Variants in KLHDC8A observed in about 807,000 individuals in gnomAD.
The protein encoded by KLHDC8A is kelch domain-containing protein 8A.
KLHDC8A carries 21 observed loss-of-function variants against 33.1 expected under a neutral mutation model. The observed-to-expected ratio is 0.64, with a 90% CI of 0.45 to 0.91. The LOEUF (loss-of-function observed/expected upper bound fraction) is 0.91, where lower values mean the gene tolerates loss of function less well. Among genes scored for constraint, KLHDC8A ranks in the 40% least tolerant of loss-of-function variants. The probability of loss-of-function intolerance (pLI) is 0.00; values close to 1 mark genes in which losing one functional copy is unlikely to be tolerated. For synonymous variants in KLHDC8A, 173 were observed against 193.5 expected, an observed-to-expected ratio of 0.89 and a Z score of 0.88; for missense variants, 435 against 483.3, an observed-to-expected ratio of 0.90 and a Z score of 0.94.
At chr1:205,338,445 A>C (rs770030960) in intron 5 of KLHDC8A, 50 bp downstream of exon 5, 2 of 1,424,066 alleles carry the variant, frequency 1.4e-6, no homozygotes, top group Non-Finnish European at 2.0e-6. Context: ...CCAAGGATCC[A>C]CTGAGCACCA....
At chr1:205,350,011 C>G (rs773112684) in intron 1 of KLHDC8A, among the ~76,000 whole-genome samples, 1 of 152,124 alleles carries the variant, frequency 6.6e-6, no homozygotes, top group African/African-American at 2.4e-5. Flanking sequence ...GCTATACAGG[C>G]GGGGAGCCCT....
chr1:205,340,266 C>T (rs2018102), intron 2 of KLHDC8A, among the ~76,000 whole-genome samples: 39,306 of 151,642 alleles, frequency 0.26, 5,251 homozygotes, highest in Non-Finnish European at 0.3. Flanking sequence ...CCTCTTGCCT[C>T]GACCTTCCAA....
chr1:205,347,670 G>A (rs1211820005), intron 1 of KLHDC8A, among the ~76,000 whole-genome samples: 1 of 152,080 alleles, frequency 6.6e-6, no homozygotes, highest in African/African-American at 2.4e-5. Context: ...AAACAAGATC[G>A]TGCCACTGCA....
At chr1:205,342,488 G>A (rs1345263385) in intron 2 of KLHDC8A, among the ~76,000 whole-genome samples, 1 of 152,204 alleles carries the variant, frequency 6.6e-6, no homozygotes, top group African/African-American at 2.4e-5. Context: ...GCCTGGCACT[G>A]TGCTGGGGAC....
At chr1:205,351,601 TCAA>T (rs59969176) in intron 1 of KLHDC8A, 117,687 of 254,546 alleles carry the variant, frequency 0.46, 21,670 homozygotes, top group Admixed American at 0.54. Flanking sequence ...TCTGTAATAG[TCAA>T]AAAAAAAAAA....
At chr1:205,349,949 G>A (rs1248203201) in intron 1 of KLHDC8A, among the ~76,000 whole-genome samples, 1 of 152,206 alleles carries the variant, frequency 6.6e-6, no homozygotes, top group South Asian at 2.1e-4. Flanking sequence ...GGAAGGTGAA[G>A]AAGAGAGCAG....
In KLHDC8A at chr1:205,343,488, AC is replaced by A. The variant is rs1344713669; in HGVS notation, c.116del (p.Cys39LeufsTer45). ...TGGQVYAIGG[C>X]DDNGVPMDCF... ...AGTCCATGGGGACGCCGTTGTCGTC[AC>A]ATCCCCCGATGGCATAGACCTGGCC... On this transcript the variant is annotated frameshift_variant, in exon 2 of 6. Transcript: ENST00000367155. LOFTEE classifies it high-confidence loss of function. The A allele has an allele frequency of 1.2e-6, 2 of 1,613,326 alleles. No homozygotes were observed. The highest frequency in any genetic ancestry group is 1.7e-6 in the Non-Finnish European group (2 of 1,179,874).
intron 1 of KLHDC8A, among the ~76,000 whole-genome samples, chr1:205,352,840 C>T (rs1030375784): frequency 6.6e-6 from 1 of 152,230 alleles, no homozygotes; most frequent in Non-Finnish European, 1.5e-5. Context: ...CCTCCTGTAG[C>T]CTGTCGCCAG....
rs1558686016 is a variant in KLHDC8A at position 205,343,236 on chromosome 1, CG to C, written c.368del (p.Thr123ArgfsTer29). On this transcript the variant is annotated frameshift_variant, in exon 2 of 6. Coordinates refer to ENST00000367155, the MANE Select transcript of KLHDC8A (RefSeq NM_018203.3). LOFTEE classifies it high-confidence loss of function. ...AGCCCTGGCCCCACTTGCCTTTGGC[CG>C]TGACAGAAATGCCCATGGCGGCCTC... ...LREAAMGISVTAKDYRVYAAG... is the reference protein window; with the variant it reads ...LREAAMGISVXAKDYRVYAAG... The C allele has an allele frequency of 1.9e-6, 3 of 1,586,746 alleles. No homozygotes were observed. Among genetic ancestry groups the C allele is most frequent in the African/African-American group, 2.7e-5 (2 of 74,526 alleles).
intron 2 of KLHDC8A, among the ~76,000 whole-genome samples, chr1:205,340,488 T>C (rs976030172): frequency 3.3e-5 from 5 of 151,772 alleles, no homozygotes; most frequent in African/African-American, 1.2e-4. Flanking sequence ...AGAGGAGAGG[T>C]ATTCTTTTTT....
At chr1:205,341,583 G>A (rs201365406) in intron 2 of KLHDC8A, among the ~76,000 whole-genome samples, 3 of 152,070 alleles carry the variant, frequency 2.0e-5, no homozygotes, top group Admixed American at 6.5e-5. Context: ...CGACAGCACC[G>A]GCTCAGTGCC....
Position 205,343,576 on chromosome 1 carries a change from T to C in KLHDC8A, c.29A>G (p.Gln10Arg). The change falls in exon 2 of 6, where the codon CAG becomes CGG. Residue 10 changes from glutamine (Q) to arginine (R), a missense_variant. Transcript: ENST00000367155. ...GGGCAGTGGCGCCAGGCGCTTCCAC[T>C]GGAAGTCCTTGACGTTAGGCACCTC... MEVPNVKDF[Q>R]WKRLAPLPSR... The C allele has an allele frequency of 1.2e-6, 2 of 1,608,998 alleles. No individual in the cohort carries two copies. The highest frequency in any genetic ancestry group is 1.7e-6 in the Non-Finnish European group (2 of 1,177,180).
rs527891963 is a variant in KLHDC8A, at chr1:205,339,483, C to G, written c.542-74G>C. The G allele has an allele frequency of 6.7e-7, 1 of 1,482,202 alleles. No homozygotes were observed. Among genetic ancestry groups the G allele is most frequent in the African/African-American group, 1.4e-5 (1 of 72,056 alleles). 91.8% of individuals were successfully genotyped at this position (1,482,202 alleles called of 1,614,324 possible). On this transcript the variant is annotated intron_variant, in intron 3 of 5. Transcript: ENST00000367155. The surrounding 1 kb of genome is among the most constrained non-coding windows in gnomAD (Gnocchi z 5.1). ...GACAGCGACAGTGAAAAGGGTTTCC[C>G]CTTTTGACAGTTACTCATTCATACA... is the stretch of plus-strand genomic sequence containing the variant.
intron 5 of KLHDC8A, 46 bp from the exon 6 acceptor site, chr1:205,337,638 C>A (rs746913916): frequency 3.4e-6 from 5 of 1,450,288 alleles, no homozygotes; most frequent in East Asian, 4.6e-5. Context: ...GTCCAACCAC[C>A]AATCCATGCC....
Position 205,356,769 on chromosome 1 carries a change from G to C in KLHDC8A, c.-426C>G, listed in dbSNP as rs1258952715. The C allele has an allele frequency of 3.0e-6, 1 of 338,698 alleles. No individual in the cohort carries two copies. Among genetic ancestry groups the C allele is most frequent in the Non-Finnish European group, 5.9e-6 (1 of 169,892 alleles). The allele number at this position is 338,698 out of a possible 1,614,324, so 21.0% of individuals were successfully genotyped here. On this transcript the variant is annotated 5_prime_UTR_variant, in exon 1 of 6. Transcript: ENST00000367155. ...GCCAGGCCCCTATGCACAGGGCATG[G>C]GGCCAGCCCCGCCCTGAATGCACAG...
Position 205,353,167 on chromosome 1 carries a change from C to T in KLHDC8A, c.-190+3366G>A, listed in dbSNP as rs1256454005. Among the ~76,000 whole-genome samples, 7 of 152,314 alleles carry T rather than the reference C, an allele frequency of 4.6e-5. No homozygotes were observed. The South Asian group carries it at 1.2e-3, about 27-fold the overall frequency. ...GGGGTCAGCAAGCTATGCCTGAGGGCCAACCCTGGCCTGCTGCCTGTTTCT... is the reference window on the plus strand; with the variant it reads ...GGGGTCAGCAAGCTATGCCTGAGGGTCAACCCTGGCCTGCTGCCTGTTTCT... On this transcript the variant is annotated intron_variant, in intron 1 of 5. Transcript: ENST00000367155.
chr1:205,339,314 C>A lies in KLHDC8A; in HGVS notation c.637G>T (p.Ala213Ser). Residue 213 changes from alanine (A) to serine (S), a missense_variant, in exon 4 of 6, where the codon GCC (alanine) becomes TCC (serine). Transcript: ENST00000367155. The surrounding 1 kb of genome is among the most constrained non-coding windows in gnomAD (Gnocchi z 5.1). ...TCCAGGGTCACAAAGCTGGAGAAGGCCCGCTTATAGGGAATGTTGGGAAAC... is the reference window on the plus strand; with the variant it reads ...TCCAGGGTCACAAAGCTGGAGAAGGACCGCTTATAGGGAATGTTGGGAAAC... Reference protein sequence around the residue: ...TKFPNIPYKRAFSSFVTLDNH... With the variant: ...TKFPNIPYKRSFSSFVTLDNH... 1 of 1,614,192 alleles carries A rather than the reference C, an allele frequency of 6.2e-7. No individual in the cohort carries two copies. Among genetic ancestry groups the A allele is most frequent in the Non-Finnish European group, 8.5e-7 (1 of 1,180,024 alleles).
intron 1 of KLHDC8A, among the ~76,000 whole-genome samples, chr1:205,351,645 G>A (rs372294358): frequency 6.6e-6 from 1 of 151,336 alleles, no homozygotes. Context: ...TTGGCTGGGC[G>A]TAGTGGCTCA....
In KLHDC8A at chr1:205,343,205, G is replaced by A. The variant is rs764672850; in HGVS notation, c.376+24C>T. Reference sequence around the variant, plus strand: ...GCCCCCCACTTCCTTCTCTCTGGCCGCCCTCAGCCCTGGCCCCACTTGCCT... The same window carrying A: ...GCCCCCCACTTCCTTCTCTCTGGCCACCCTCAGCCCTGGCCCCACTTGCCT... On this transcript the variant is annotated intron_variant, in intron 2 of 5. Transcript: ENST00000367155. The A allele has an allele frequency of 1.5e-5, 23 of 1,546,150 alleles. No individual in the cohort carries two copies. In the Admixed American group the frequency reaches 3.4e-4, roughly 23 times the overall value.
Sources: gnomAD v4.1 joint callset for allele counts (sites outside exome capture counted in the v4.1 genomes callset) on GRCh38, gnomAD v4.1.1 for gene constraint, Gnocchi (gnomAD v3.1) non-coding constraint, MANE v1.5 for transcripts, NCBI Gene and HGNC (gene_info 2026-07-23, HGNC 2026-07-21) for gene names.